The following LRP1B variants were observed in gnomAD, a reference collection of about 807,000 sequenced individuals.
LRP1B encodes low-density lipoprotein receptor-related protein 1B.
In LRP1B, 217 loss-of-function variants were observed where a neutral mutation model predicts 556.6. The observed-to-expected ratio is 0.39, with a 90% CI of 0.35 to 0.44. The LOEUF is 0.44. Ranked by LOEUF, LRP1B falls within the 20% of genes least tolerant of loss-of-function variation. The pLI, the probability that LRP1B is intolerant of heterozygous loss-of-function variation, is 1.00. For missense variants in LRP1B, 5,053 were observed against 5,620.8 expected, an observed-to-expected ratio of 0.90 and a Z score of 3.23; for synonymous variants, 2,047 against 1,865.8, an observed-to-expected ratio of 1.10 and a Z score of -2.50.
intron 2 of LRP1B, among the ~76,000 whole-genome samples, chr2:141,690,396 AATATATATATATAT>A (rs762453747): frequency 1.9e-4 from 5 of 26,936 alleles, no homozygotes; most frequent in African/African-American, 4.7e-4. Flanking sequence ...TACATCTATA[AATATATATATATAT>A]ATATATATAT....
intron 3 of LRP1B, among the ~76,000 whole-genome samples, chr2:141,271,767 A>G: frequency 8.0e-6 from 1 of 124,770 alleles, no homozygotes; most frequent in East Asian, 2.1e-4. Context: ...AGTAGAAACC[A>G]TATGAAAAAA....
chr2:142,109,933 G>T (rs1054511914), intron 1 of LRP1B, among the ~76,000 whole-genome samples: 6 of 152,086 alleles, frequency 3.9e-5, no homozygotes, highest in Admixed American at 6.6e-5. Context: ...GCAAAGTACA[G>T]TGTCAACATT....
intron 3 of LRP1B, among the ~76,000 whole-genome samples, chr2:141,256,569 T>C (rs1324450378): frequency 6.6e-6 from 1 of 152,022 alleles, no homozygotes; most frequent in Non-Finnish European, 1.5e-5. Context: ...GAAGAAAAGC[T>C]ATCTAAGTGA....
chr2:140,663,042 A>C (rs1685151685), intron 41 of LRP1B, among the ~76,000 whole-genome samples: 1 of 152,174 alleles, frequency 6.6e-6, no homozygotes, highest in Non-Finnish European at 1.5e-5. Context: ...AAGTAAAACA[A>C]CATGTAGCCT....
chr2:141,983,243 C>G (rs1702091430), intron 1 of LRP1B, among the ~76,000 whole-genome samples: 1 of 152,044 alleles, frequency 6.6e-6, no homozygotes, highest in Non-Finnish European at 1.5e-5. Flanking sequence ...TTTGTCATTA[C>G]CCTTTCCCCT....
intron 22 of LRP1B, among the ~76,000 whole-genome samples, 172 bp downstream of exon 22, chr2:140,907,705 G>A (rs920105349): frequency 6.6e-6 from 1 of 152,092 alleles, no homozygotes; most frequent in African/African-American, 2.4e-5. Context: ...TCACATTGAA[G>A]ACTTTTACTG....
intron 2 of LRP1B, among the ~76,000 whole-genome samples, chr2:141,749,200 A>G (rs950047067): frequency 6.6e-6 from 1 of 152,210 alleles, no homozygotes; most frequent in African/African-American, 2.4e-5. Flanking sequence ...AATGAATATT[A>G]AAATCTTGAT....
At chr2:141,454,773 C>T (rs953870118) in intron 3 of LRP1B, among the ~76,000 whole-genome samples, 6 of 152,050 alleles carry the variant, frequency 3.9e-5, no homozygotes, top group African/African-American at 1.4e-4. Context: ...AATATCTTTA[C>T]CCTGTAAACA....
chr2:141,973,526 A>G (rs1039359815), intron 1 of LRP1B, among the ~76,000 whole-genome samples: 1 of 151,790 alleles, frequency 6.6e-6, no homozygotes, highest in Non-Finnish European at 1.5e-5. Context: ...ATTCACATTT[A>G]ATCTGTGGCT....
chr2:140,251,351 A>G (rs1019605714), intron 86 of LRP1B, among the ~76,000 whole-genome samples: 1 of 151,874 alleles, frequency 6.6e-6, no homozygotes, highest in Admixed American at 6.6e-5. Context: ...GAGATATAAA[A>G]AACTGAAGGT....
chr2:141,158,982 A>G (rs1419832136), intron 7 of LRP1B, among the ~76,000 whole-genome samples: 2 of 152,160 alleles, frequency 1.3e-5, no homozygotes, highest in Admixed American at 6.6e-5. Context: ...TCGTCATAAG[A>G]TTCTAGAAGT....
intron 1 of LRP1B, among the ~76,000 whole-genome samples, chr2:142,021,212 A>G (rs1328371314): frequency 6.6e-6 from 1 of 152,180 alleles, no homozygotes; most frequent in Non-Finnish European, 1.5e-5. Flanking sequence ...TGAAGGATGC[A>G]ATATTACTGG....
At chr2:140,650,870 C>G (rs1684658390) in intron 41 of LRP1B, among the ~76,000 whole-genome samples, 1 of 152,070 alleles carries the variant, frequency 6.6e-6, no homozygotes, top group Non-Finnish European at 1.5e-5. Context: ...GTTAATAGAT[C>G]TAGACTAAAA....
chr2:141,563,501 AC>A (rs1343824518), intron 2 of LRP1B, among the ~76,000 whole-genome samples: 1 of 152,074 alleles, frequency 6.6e-6, no homozygotes, highest in African/African-American at 2.4e-5. Flanking sequence ...TGAATGAAAT[AC>A]AACAGAATGT....
chr2:140,676,965 G>C (rs1352132170), intron 41 of LRP1B, among the ~76,000 whole-genome samples: 1 of 152,086 alleles, frequency 6.6e-6, no homozygotes, highest in African/African-American at 2.4e-5. Flanking sequence ...ATATCAATGT[G>C]CCAAAAACAA....
intron 14 of LRP1B, among the ~76,000 whole-genome samples, chr2:141,009,065 T>C (rs943899104): frequency 7.9e-5 from 12 of 151,980 alleles, no homozygotes; most frequent in African/African-American, 2.9e-4. Flanking sequence ...TTCTTCAAAA[T>C]GGTGGAACAA....
At chr2:141,288,297 AT>A (rs1303072223) in intron 3 of LRP1B, among the ~76,000 whole-genome samples, 6 of 151,898 alleles carry the variant, frequency 4.0e-5, no homozygotes, top group African/African-American at 7.3e-5. Flanking sequence ...AAAAAAAAAA[AT>A]CTTTTATATT....
At chr2:140,919,997 A>G (rs1694690143) in intron 21 of LRP1B, among the ~76,000 whole-genome samples, 1 of 152,054 alleles carries the variant, frequency 6.6e-6, no homozygotes, top group African/African-American at 2.4e-5. Flanking sequence ...ACCTTATACA[A>G]TCCTACTTTT....
In LRP1B at chr2:141,005,424, C is replaced by T. The variant is rs915662798; in HGVS notation, c.2414G>A (p.Cys805Tyr). The T allele has an allele frequency of 1.9e-6, 3 of 1,611,338 alleles. No homozygotes were observed. Among genetic ancestry groups the T allele is most frequent in the Non-Finnish European group, 2.5e-6 (3 of 1,178,258 alleles). The change falls in exon 15 of 91, where the codon TGT becomes TAT. Residue 805 changes from cysteine (C) to tyrosine (Y), a missense_variant. This residue lies in a region of LRP1B where 3,619 missense variants were observed against 3,931.9 expected (regional missense o/e 0.92). Coordinates refer to ENST00000389484, the MANE Select transcript of LRP1B (RefSeq NM_018557.3). ...DNMCRVNNGG[C>Y]STLCLAIPGG... ...TGGGATAGCCAAGCAAAGTGTACTACAGCCCCCATTATTTACTCGGCACAT... is the reference window on the plus strand; with the variant it reads ...TGGGATAGCCAAGCAAAGTGTACTATAGCCCCCATTATTTACTCGGCACAT...
Sources: gnomAD v4.1 joint callset for allele counts (sites outside exome capture counted in the v4.1 genomes callset) on GRCh38, gnomAD v4.1.1 for gene constraint, gnomAD v4.1.1 regional missense constraint, MANE v1.5 for transcripts, NCBI Gene and HGNC (gene_info 2026-07-23, HGNC 2026-07-21) for gene names.